ZNF692: variants seen among roughly 807,000 people sequenced by gnomAD.
ZNF692 encodes AICAR responsive element binding protein.
ZNF692 carries 41 observed loss-of-function variants against 49.0 expected under a neutral mutation model. The observed-to-expected ratio is 0.84, with a 90% confidence interval of 0.65 to 1.08. The LOEUF (loss-of-function observed/expected upper bound fraction) is 1.08. Among genes scored for constraint, ZNF692 ranks in the 50% least tolerant of loss-of-function variants. The probability of loss-of-function intolerance (pLI) is 0.00; values close to 1 mark genes in which losing one functional copy is unlikely to be tolerated. For synonymous variants in ZNF692, 288 were observed against 251.5 expected, an observed-to-expected ratio of 1.15 and a Z score of -1.37; for missense variants, 662 against 662.2, an observed-to-expected ratio of 1.00 and a Z score of 0.00.
At chr1:248,856,832 TAGG>T (rs1029488096) in intron 4 of ZNF692, among the ~76,000 whole-genome samples, 3 of 152,102 alleles carry the variant, frequency 2.0e-5, no homozygotes, top group South Asian at 2.1e-4. Context: ...GCTATCTGAG[TAGG>T]AGGAGTTGTT....
At chr1:248,857,909 C>G (rs1660428037) in intron 2 of ZNF692, 50 bp from the exon 3 acceptor site, 6 of 1,605,524 alleles carry the variant, frequency 3.7e-6, no homozygotes, top group African/African-American at 2.7e-5. Flanking sequence ...CAGCCACCCT[C>G]AGCCCTGGGC....
At chr1:248,854,329 C>G (rs963607625) in intron 9 of ZNF692, 1 of 361,596 alleles carries the variant, frequency 2.8e-6, no homozygotes, top group Non-Finnish European at 5.2e-6. Context: ...ACACTCTCAC[C>G]CTGCAATGTC....
Position 248,850,258 on chromosome 1 carries a change from G to C in ZNF692, c.1512C>G (p.Ser504=), listed in dbSNP as rs1024779892. The part of the protein sequence containing the change: ...APGPLGSSEG[S]RPSASPQAPT... ...GAGCCTGAGGAGATGCAGAGGGCCTGGACCCCTCGCTGGATCCCAGAGGCC... is the reference window on the plus strand; with the variant it reads ...GAGCCTGAGGAGATGCAGAGGGCCTCGACCCCTCGCTGGATCCCAGAGGCC... Residue 504 remains serine, a synonymous_variant, in exon 12 of 12, where the codon TCC becomes TCG. Coordinates refer to ENST00000306601, the MANE Select transcript of ZNF692 (RefSeq NM_017865.4). 6.3e-7 allele frequency: 1 copy of C among 1,590,362 alleles called. No homozygotes were observed. The highest frequency in any genetic ancestry group is 1.3e-5 in the African/African-American group (1 of 74,328).
At chr1:248,850,584 T>A (rs1410048052) in intron 11 of ZNF692, 68 bp from the exon 12 acceptor site, 6 of 1,593,020 alleles carry the variant, frequency 3.8e-6, no homozygotes, top group Non-Finnish European at 5.1e-6. Context: ...AGGGGGTTCC[T>A]CCTGCTCCCC....
At position 248,858,711 on chromosome 1, in the gene ZNF692, C is replaced by G. The variant is rs984438752; in HGVS notation, c.-13+207G>C. On this transcript the variant is annotated intron_variant, in intron 1 of 11. Coordinates refer to ENST00000306601, the MANE Select transcript of ZNF692 (RefSeq NM_017865.4). The surrounding 1 kb of genome is among the most constrained non-coding windows in gnomAD (Gnocchi z 4.3). The stretch of plus-strand genomic sequence containing the variant: ...ACTGGTTTCTAGGGGAAGGAAAGGT[C>G]GTGTCCTGGCGTGCAGCTGGGGGCG... 2.8e-6 allele frequency: 2 copies of G among 715,304 alleles called. No individual in the cohort carries two copies. The highest frequency in any genetic ancestry group is 4.8e-6 in the Non-Finnish European group (2 of 417,548). The allele number at this position is 715,304 out of a possible 1,614,324, so 44.3% of individuals were successfully genotyped here.
At chr1:248,852,724 C>T (rs952221113) in intron 10 of ZNF692, among the ~76,000 whole-genome samples, 12 of 152,150 alleles carry the variant, frequency 7.9e-5, no homozygotes, top group South Asian at 4.1e-4. Flanking sequence ...TTTGGCCTGT[C>T]GCACTAGCAA....
chr1:248,855,549 A>G lies in ZNF692; in HGVS notation c.959+9T>C, dbSNP rs1173499559. ...GCCCTCCCCAGAACCCCATCTCCCTAAGTCCTACCTAATTCTCTTGGGGCC... is the reference window on the plus strand; with the variant it reads ...GCCCTCCCCAGAACCCCATCTCCCTGAGTCCTACCTAATTCTCTTGGGGCC... On this transcript the variant is annotated intron_variant, in intron 8 of 11. Transcript: ENST00000306601. 6.2e-7 allele frequency: 1 copy of G among 1,613,938 alleles called. No homozygotes were observed. Among genetic ancestry groups the G allele is most frequent in the Admixed American group, 1.7e-5 (1 of 60,004 alleles).
intron 9 of ZNF692, chr1:248,854,324 C>T (rs1172568967): frequency 7.6e-6 from 3 of 396,418 alleles, no homozygotes; most frequent in Non-Finnish European, 1.4e-5. Flanking sequence ...TTGTCACACT[C>T]TCACCCTGCA....
intron 10 of ZNF692, among the ~76,000 whole-genome samples, chr1:248,851,894 A>T (rs959620242): frequency 6.6e-6 from 1 of 152,196 alleles, no homozygotes; most frequent in Non-Finnish European, 1.5e-5. Context: ...AGGCCAGTCC[A>T]CTGGCCCCAC....
At chr1:248,854,413 C>T (rs1043178127) in intron 9 of ZNF692, 4 of 198,306 alleles carry the variant, frequency 2.0e-5, no homozygotes, top group Non-Finnish European at 4.2e-5. Flanking sequence ...GCACTATCTG[C>T]TGCAGAGGGG....
At position 248,855,804 on chromosome 1, in the gene ZNF692, G is replaced by A; in HGVS notation, c.802C>T (p.Pro268Ser). The change falls in exon 7 of 12, where the codon CCT becomes TCT. Residue 268 changes from proline (P) to serine (S), a missense_variant. Physicochemically the swap from Pro to Ser is moderately conservative, Grantham distance 74 (BLOSUM62 -1). Transcript: ENST00000306601. ...TGCACCCTGACTTCTGCAGGTGGAG[G>A]AGCTCTGGAACTCAATGAGGATGCT... The part of the protein sequence containing the change: ...LSASSLSSRA[P>S]PPAEVRVQPQ... 6.2e-7 allele frequency: 1 copy of A among 1,614,214 alleles called. No individual in the cohort carries two copies. Among genetic ancestry groups the A allele is most frequent in the Non-Finnish European group, 8.5e-7 (1 of 1,180,042 alleles).
chr1:248,851,466 TA>T (rs779274747), intron 10 of ZNF692, among the ~76,000 whole-genome samples: 1 of 151,880 alleles, frequency 6.6e-6, no homozygotes, highest in Non-Finnish European at 1.5e-5. Context: ...GGGTGTACAG[TA>T]AAAAAGGTGT....
At chr1:248,857,993 G>T (rs759382016) in intron 2 of ZNF692, 134 bp from the exon 3 acceptor site, 18 of 1,548,138 alleles carry the variant, frequency 1.2e-5, no homozygotes, top group Admixed American at 9.7e-5. Context: ...AGGACCCTCG[G>T]AGGCCACAAG....
chr1:248,851,961 G>C (rs1013856792), intron 10 of ZNF692, among the ~76,000 whole-genome samples: 1 of 152,076 alleles, frequency 6.6e-6, no homozygotes, highest in Non-Finnish European at 1.5e-5. Context: ...CATCTTTGTT[G>C]CCTTCTTTCA....
intron 9 of ZNF692, 119 bp from the exon 10 acceptor site, chr1:248,854,170 C>T (rs1433072173): frequency 1.3e-5 from 9 of 714,658 alleles, no homozygotes; most frequent in Non-Finnish European, 2.0e-5. Context: ...GGCCCCTGTG[C>T]CCCAGCAGTT....
chr1:248,858,132 G>A lies in ZNF692; in HGVS notation c.178C>T (p.Arg60Trp), dbSNP rs755413015. ...HSQLAKFLLD[R>W]YTSSGCVLCA... ...CAAGCCCTTCTCCCGGCCCCTAACC[G>A]GTCCAACAGGAACTTGGCGAGCTGC... Residue 60 changes from arginine (R) to tryptophan (W), a missense_variant and splice_region_variant, in exon 2 of 12, where the codon CGG becomes TGG. By Grantham distance (101) the Arg-to-Trp change is moderately radical. Transcript: ENST00000306601. This position sits in a 1 kb window ranked among gnomAD's most constrained non-coding sequence, Gnocchi z 4.3. 1.3e-6 allele frequency: 2 copies of A among 1,564,126 alleles called. No homozygotes were observed. The highest frequency in any genetic ancestry group is 1.8e-5 in the Admixed American group (1 of 56,658).
intron 11 of ZNF692, 77 bp downstream of exon 11, chr1:248,850,605 T>C: frequency 6.3e-7 from 1 of 1,598,934 alleles, no homozygotes; most frequent in Non-Finnish European, 8.6e-7. Context: ...ACTGCCTAGG[T>C]GTCCTATATG....
chr1:248,853,959 C>G lies in ZNF692; in HGVS notation c.1131G>C (p.Lys377Asn). ...CACCACTGTGCAGCTTCATGTGCTC[C>G]TTCAGGTGTTTCTTAAAGTTGAAAG... Reference protein sequence around the residue: ...GKSFNFKKHLKEHMKLHSDTR... With the variant: ...GKSFNFKKHLNEHMKLHSDTR... Residue 377 changes from lysine to asparagine, a missense_variant, in exon 10 of 12, where the codon AAG becomes AAC. Lys to Asn is a moderately conservative substitution (Grantham distance 94). Transcript: ENST00000306601. The G allele has an allele frequency of 6.2e-7, 1 of 1,614,146 alleles. No homozygotes were observed. Among genetic ancestry groups the G allele is most frequent in the Non-Finnish European group, 8.5e-7 (1 of 1,179,972 alleles).
chr1:248,855,971 T>G, intron 6 of ZNF692, 25 bp from the exon 7 acceptor site: 2 of 1,608,024 alleles, frequency 1.2e-6, no homozygotes, highest in South Asian at 2.2e-5. Context: ...AAGAGGAAGA[T>G]GGCATTAACT....
Sources: allele counts gnomAD v4.1 joint callset (sites outside exome capture counted in the v4.1 genomes callset), GRCh38; gene constraint gnomAD v4.1.1; non-coding constraint Gnocchi (gnomAD v3.1); transcripts MANE v1.5; gene names NCBI Gene and HGNC (gene_info 2026-07-23, HGNC 2026-07-21).